The following WDR7 variants were observed in gnomAD, a reference collection of about 807,000 sequenced individuals.
WDR7 encodes the protein WD repeat domain 7.
A neutral mutation model predicts 169.4 loss-of-function variants in WDR7; 46 were observed. That is an observed-to-expected ratio of 0.27 (90% confidence interval 0.21 to 0.35). WDR7 has a LOEUF of 0.35. Ranked by LOEUF, WDR7 falls within the 10% of genes least tolerant of loss-of-function variation. The pLI, the probability that WDR7 is intolerant of heterozygous loss-of-function variation, is 1.00. For missense variants in WDR7, 1,534 were observed against 1,859.3 expected, an observed-to-expected ratio of 0.83 and a Z score of 3.22; for synonymous variants, 612 against 666.8, an observed-to-expected ratio of 0.92 and a Z score of 1.27.
At chr18:56,703,605 C>T (rs1348253117) in intron 12 of WDR7, among the ~76,000 whole-genome samples, 1 of 151,946 alleles carries the variant, frequency 6.6e-6, no homozygotes, top group African/African-American at 2.4e-5. Flanking sequence ...ATTTTGAGAA[C>T]ATTTTCATAT....
chr18:57,016,984 A>C (rs1013303249), intron 26 of WDR7, among the ~76,000 whole-genome samples: 2 of 152,236 alleles, frequency 1.3e-5, no homozygotes, highest in African/African-American at 4.8e-5. Context: ...ATTTATGTTG[A>C]AACTTGTTTG....
intron 13 of WDR7, among the ~76,000 whole-genome samples, chr18:56,722,022 T>C (rs566855067): frequency 1.1e-4 from 17 of 152,254 alleles, no homozygotes; most frequent in Admixed American, 5.2e-4. Context: ...TTTTCTGATA[T>C]TTCTCTTTTT....
chr18:56,672,685 G>A lies in WDR7; in HGVS notation c.159+11G>A, dbSNP rs1485754879. ...TCAGTAGAACTGCAAGTGAGTATGT[G>A]AAATGCCTATTATACATTTTAGATA... On this transcript the variant is annotated intron_variant, in intron 2 of 27. Transcript: ENST00000254442. The A allele has an allele frequency of 4.4e-6, 7 of 1,598,508 alleles. No individual in the cohort carries two copies. The highest frequency in any genetic ancestry group is 1.7e-5 in the Admixed American group (1 of 57,156).
intron 6 of WDR7, among the ~76,000 whole-genome samples, chr18:56,686,560 T>C (rs1262365864): frequency 1.3e-5 from 2 of 152,116 alleles, no homozygotes; most frequent in Non-Finnish European, 2.9e-5. Context: ...AAAGCACATA[T>C]AGCTACAAAA....
rs555378494 is a variant in WDR7 at position 56,923,501 on chromosome 18, T to C, written c.3527-421T>C. Among the ~76,000 whole-genome samples, 147 of 152,334 alleles carry C rather than the reference T, an allele frequency of 9.6e-4. 2 individuals carry two copies. The highest frequency in any genetic ancestry group is 3.5e-3 in the African/African-American group (144 of 41,580). On this transcript the variant is annotated intron_variant, in intron 21 of 27. Transcript: ENST00000254442. ...ATCCTTCATTGCAACGCGCCTGTAA[T>C]GAGAGGTGTTACTGAGGGGGAGTAT...
intron 14 of WDR7, among the ~76,000 whole-genome samples, chr18:56,752,367 TTC>T (rs1366088045): frequency 1.3e-5 from 2 of 152,202 alleles, no homozygotes; most frequent in Admixed American, 1.3e-4. Flanking sequence ...TCATTACATC[TTC>T]CATGCGGGTT....
chr18:56,652,645 C>T (rs970600700), intron 1 of WDR7, among the ~76,000 whole-genome samples: 4 of 152,088 alleles, frequency 2.6e-5, no homozygotes, highest in East Asian at 1.9e-4. Context: ...ATTGGGAAAA[C>T]GAACCACTAT....
chr18:56,821,408 T>C (rs1360412410), intron 20 of WDR7, among the ~76,000 whole-genome samples: 1 of 152,184 alleles, frequency 6.6e-6, no homozygotes, highest in Non-Finnish European at 1.5e-5. Flanking sequence ...CAGGGTCACA[T>C]ATGTACCAGG....
chr18:56,749,374 GTGTGTGTGTGTT>G (rs1278350563), intron 14 of WDR7, among the ~76,000 whole-genome samples: 11 of 120,102 alleles, frequency 9.2e-5, no homozygotes, highest in South Asian at 5.3e-4. Flanking sequence ...ATCTATAGAA[GTGTGTGTGTGTT>G]TGTGTGTGTG....
downstream of WDR7, chr18:57,031,002 G>A (rs1164175427): frequency 6.6e-6 from 1 of 151,722 alleles, no homozygotes; most frequent in African/African-American, 2.4e-5. Context: ...TTACATTTTT[G>A]TAGCAGCAGA....
At chr18:56,748,351 TC>T (rs1246286177) in intron 14 of WDR7, among the ~76,000 whole-genome samples, 1 of 152,160 alleles carries the variant, frequency 6.6e-6, no homozygotes, top group African/African-American at 2.4e-5. Flanking sequence ...GAGTTGAAAA[TC>T]AATCTCTTTT....
At chr18:56,892,577 G>A (rs534012854) in intron 21 of WDR7, among the ~76,000 whole-genome samples, 2 of 152,012 alleles carry the variant, frequency 1.3e-5, no homozygotes, top group African/African-American at 2.4e-5. Flanking sequence ...ATGTGTTTAC[G>A]TATTATTAAT....
At chr18:56,946,578 C>T (rs891461225) in intron 25 of WDR7, among the ~76,000 whole-genome samples, 3 of 152,070 alleles carry the variant, frequency 2.0e-5, no homozygotes, top group African/African-American at 7.2e-5. Context: ...GCTTTTGTCT[C>T]CTGTATTCCT....
intron 21 of WDR7, among the ~76,000 whole-genome samples, chr18:56,917,703 G>A (rs767558902): frequency 6.6e-6 from 1 of 152,150 alleles, no homozygotes; most frequent in Non-Finnish European, 1.5e-5. Flanking sequence ...GTTACCCATA[G>A]TATAATACTG....
intron 14 of WDR7, among the ~76,000 whole-genome samples, chr18:56,747,084 A>G (rs546490451): frequency 9.8e-5 from 15 of 152,314 alleles, no homozygotes; most frequent in African/African-American, 3.6e-4. Context: ...TTGAAGGTTC[A>G]CTAATGTGGA....
At chr18:56,916,680 T>A (rs895043134) in intron 21 of WDR7, among the ~76,000 whole-genome samples, 2 of 152,232 alleles carry the variant, frequency 1.3e-5, no homozygotes, top group Non-Finnish European at 2.9e-5. Flanking sequence ...GCATCTGTGG[T>A]TATAAGAAAA....
At chr18:56,666,893 ATT>A (rs5825197) in intron 1 of WDR7, among the ~76,000 whole-genome samples, 6 of 143,746 alleles carry the variant, frequency 4.2e-5, no homozygotes, top group South Asian at 2.2e-4. Context: ...AAACCAGGCT[ATT>A]TTTTTTTTTT....
chr18:56,962,393 C>CTTGTTT (rs2047349918), intron 25 of WDR7, 37 bp from the exon 26 acceptor site: 2 of 1,597,122 alleles, frequency 1.3e-6, no homozygotes, highest in East Asian at 2.2e-5. Flanking sequence ...CACCTGGCTT[C>CTTGTTT]TTGTTTTTGT....
intron 21 of WDR7, among the ~76,000 whole-genome samples, chr18:56,893,020 T>C (rs182724245): frequency 1.4e-3 from 216 of 152,198 alleles, no homozygotes; most frequent in Non-Finnish European, 1.6e-3. Context: ...TTTATAATAA[T>C]TTTTTGGTCT....
Sources: gnomAD v4.1 joint callset for allele counts (sites outside exome capture counted in the v4.1 genomes callset) on GRCh38, gnomAD v4.1.1 for gene constraint, MANE v1.5 for transcripts, NCBI Gene and HGNC (gene_info 2026-07-23, HGNC 2026-07-21) for gene names.